The following GNG2 variants were observed in gnomAD, a reference collection of about 807,000 sequenced individuals.
The protein encoded by GNG2 is G protein subunit gamma 2.
GNG2 carries 5 observed loss-of-function variants against 5.5 expected under a neutral mutation model. That is an observed-to-expected ratio of 0.91 (90% CI 0.48 to 1.92). GNG2 has a LOEUF of 1.92. Ranked by LOEUF, GNG2 falls within the 30% of genes most tolerant of loss-of-function variation. GNG2 has a pLI of 0.01. For missense variants in GNG2, 55 were observed against 88.4 expected (o/e 0.62, Z 1.52); for synonymous variants, 28 against 32.0 (o/e 0.88, Z 0.42).
intron 2 of GNG2, among the ~76,000 whole-genome samples, chr14:51,888,130 G>A (rs967619060): frequency 1.3e-5 from 2 of 152,040 alleles, no homozygotes; most frequent in African/African-American, 4.8e-5. Context: ...GTTTCCTCAT[G>A]CTCCATGATC....
At chr14:51,915,176 CCTT>C (rs1395364618) in intron 2 of GNG2, among the ~76,000 whole-genome samples, 1 of 152,220 alleles carries the variant, frequency 6.6e-6, no homozygotes, top group Non-Finnish European at 1.5e-5. Context: ...CTCCCACTAA[CCTT>C]CTTTGTTCTT....
At chr14:51,837,473 T>A (rs1213191375) in intron 2 of GNG2, among the ~76,000 whole-genome samples, 2 of 151,834 alleles carry the variant, frequency 1.3e-5, no homozygotes, top group African/African-American at 2.4e-5. Flanking sequence ...GGTGAAACAC[T>A]GTCTCTATTA....
intron 1 of GNG2, among the ~76,000 whole-genome samples, chr14:51,872,338 T>A (rs1883363050): frequency 6.7e-6 from 1 of 148,380 alleles, no homozygotes; most frequent in African/African-American, 2.6e-5. Context: ...GTGTGTGTAA[T>A]GTATTATATG....
intron 2 of GNG2, chr14:51,827,857 T>C (rs1404254922): frequency 1.6e-6 from 1 of 636,320 alleles, no homozygotes; most frequent in Non-Finnish European, 2.8e-6. Context: ...AGGAAAACGT[T>C]GAAGTGTTTA....
At chr14:51,940,839 GACAA>G (rs1328359689) in intron 2 of GNG2, among the ~76,000 whole-genome samples, 1 of 152,128 alleles carries the variant, frequency 6.6e-6, no homozygotes, top group Non-Finnish European at 1.5e-5. Flanking sequence ...AAAGGTGCCT[GACAA>G]ACAACGACCC....
intron 2 of GNG2, among the ~76,000 whole-genome samples, chr14:51,915,324 A>G (rs920043146): frequency 6.6e-6 from 1 of 152,234 alleles, no homozygotes; most frequent in Admixed American, 6.5e-5. Flanking sequence ...CCTCTGCTAC[A>G]TTATGAGGGA....
At chr14:51,911,238 A>G (rs1886273550) in intron 2 of GNG2, among the ~76,000 whole-genome samples, 1 of 152,144 alleles carries the variant, frequency 6.6e-6, no homozygotes, top group African/African-American at 2.4e-5. Flanking sequence ...CCTTATAAAT[A>G]CCCTATGTAC....
intron 2 of GNG2, among the ~76,000 whole-genome samples, chr14:51,930,950 A>G (rs1887624316): frequency 6.6e-6 from 1 of 152,106 alleles, no homozygotes; most frequent in African/African-American, 2.4e-5. Flanking sequence ...GATGGCACCA[A>G]CCCATGGTGG....
In GNG2 at chr14:51,881,724, T is replaced by A. The variant is rs77444934; in HGVS notation, c.-30+4067T>A. 3.9e-4 allele frequency among the ~76,000 whole-genome samples: 56 copies of A among 143,346 alleles called. No homozygotes were observed. The East Asian group carries it at 4.4e-3, about 11-fold the overall frequency. The allele number at this position is 143,346 out of a possible 152,430, so 94.0% of individuals were successfully genotyped here. ...GACTTTTTTTTTTTTTTTTTTTTTT[T>A]AACGTATTTAATAGTTTCCTGTCTT... On this transcript the variant is annotated intron_variant, in intron 2 of 3. Coordinates refer to ENST00000556766, the MANE Select transcript of GNG2 (RefSeq NM_053064.5).
intron 2 of GNG2, among the ~76,000 whole-genome samples, chr14:51,851,954 A>G (rs1262918998): frequency 6.6e-6 from 1 of 152,202 alleles, no homozygotes; most frequent in Non-Finnish European, 1.5e-5. Context: ...TGTTGCTGGA[A>G]TTTTGGCAGG....
chr14:51,881,259 C>G (rs1452560648), intron 2 of GNG2, among the ~76,000 whole-genome samples: 2 of 152,104 alleles, frequency 1.3e-5, no homozygotes, highest in East Asian at 3.8e-4. Flanking sequence ...TCGAACTTTT[C>G]CCCCCTAAGA....
intron 1 of GNG2, among the ~76,000 whole-genome samples, chr14:51,872,046 A>G (rs1317157905): frequency 1.3e-5 from 2 of 152,248 alleles, no homozygotes; most frequent in Non-Finnish European, 2.9e-5. Context: ...GTTGAAGGAT[A>G]GAAGTGTTCT....
At chr14:51,837,050 G>A (rs552984813) in intron 2 of GNG2, among the ~76,000 whole-genome samples, 324 of 151,662 alleles carry the variant, frequency 2.1e-3, no homozygotes, top group Non-Finnish European at 3.7e-3. Context: ...GTAGAGACGG[G>A]GCTTCACCAT....
At chr14:51,873,598 T>C (rs1437452314) in intron 1 of GNG2, among the ~76,000 whole-genome samples, 1 of 152,230 alleles carries the variant, frequency 6.6e-6, no homozygotes, top group Non-Finnish European at 1.5e-5. Flanking sequence ...GAGAAAAGGA[T>C]CATTTGGCAT....
intron 2 of GNG2, among the ~76,000 whole-genome samples, chr14:51,935,758 C>T (rs1159559765): frequency 6.6e-6 from 1 of 152,000 alleles, no homozygotes; most frequent in Non-Finnish European, 1.5e-5. Context: ...GGCATCTGCT[C>T]GGTTTTTGGG....
At chr14:51,947,548 C>T (rs1408439832) in intron 2 of GNG2, among the ~76,000 whole-genome samples, 1 of 152,004 alleles carries the variant, frequency 6.6e-6, no homozygotes, top group African/African-American at 2.4e-5. Flanking sequence ...CCTCCAGAAG[C>T]TAGAAAATGA....
chr14:51,912,146 C>T (rs1886337059), intron 2 of GNG2, among the ~76,000 whole-genome samples: 1 of 126,514 alleles, frequency 7.9e-6, no homozygotes, highest in Non-Finnish European at 1.6e-5. Context: ...CAAACTTGGG[C>T]AGTGTGGCCC....
At position 51,903,309 on chromosome 14, in the gene GNG2, G is replaced by T. The variant is rs545584529; in HGVS notation, c.-30+25652G>T. 9.9e-5 allele frequency among the ~76,000 whole-genome samples: 15 copies of T among 152,240 alleles called. No homozygotes were observed. The East Asian group carries it at 2.9e-3, about 29-fold the overall frequency. On this transcript the variant is annotated intron_variant, in intron 2 of 3. Transcript: ENST00000556766. The stretch of plus-strand genomic sequence containing the variant: ...TAAACAGAAGCACACAGAAAACAAG[G>T]TTATATGTTGATTGGTTGACCAAAA...
intron 2 of GNG2, among the ~76,000 whole-genome samples, chr14:51,930,969 G>A (rs373068141): frequency 6.6e-6 from 1 of 152,266 alleles, no homozygotes; most frequent in South Asian, 2.1e-4. Flanking sequence ...GGTGGCATGC[G>A]CCTATAGTCC....
Sources: allele counts gnomAD v4.1 joint callset (sites outside exome capture counted in the v4.1 genomes callset), GRCh38; gene constraint gnomAD v4.1.1; transcripts MANE v1.5; gene names NCBI Gene and HGNC (gene_info 2026-07-23, HGNC 2026-07-21).